LAMP3: variants seen among roughly 807,000 people sequenced by gnomAD.
The protein encoded by LAMP3 is lysosome-associated membrane glycoprotein 3.
Under a neutral mutation model 34.8 loss-of-function variants are expected in LAMP3, and 26 were observed. The ratio of observed to expected loss-of-function variants is 0.75; its 90% CI spans 0.55 to 1.04. LAMP3 has a LOEUF of 1.04. LAMP3 is among the 50% of genes least tolerant of loss of function. LAMP3 has a pLI of 0.00. For synonymous variants in LAMP3, 180 were observed against 201.9 expected, an observed-to-expected ratio of 0.89 and a Z score of 0.92; for missense variants, 495 against 524.0, an observed-to-expected ratio of 0.94 and a Z score of 0.54.
At chr3:183,136,346 G>A (rs1039406640) in intron 4 of LAMP3, among the ~76,000 whole-genome samples, 23 of 152,154 alleles carry the variant, frequency 1.5e-4, no homozygotes, top group African/African-American at 5.1e-4. Flanking sequence ...TGTATTAGAT[G>A]AGCAGGGTCA....
chr3:183,162,582 G>A, intron 1 of LAMP3, 25 bp downstream of exon 1: 1 of 1,546,960 alleles, frequency 6.5e-7, no homozygotes, highest in Non-Finnish European at 8.7e-7. Flanking sequence ...CAGGGCCACC[G>A]CGGGAAGCGC....
At chr3:183,162,735 G>C, upstream of LAMP3, 2 of 1,330,182 alleles carry the variant, frequency 1.5e-6, no homozygotes, top group Non-Finnish European at 2.0e-6. Context: ...ACCTACCTGT[G>C]CCGGAGAAAC....
chr3:183,133,942 C>T (rs1180688500), intron 5 of LAMP3, among the ~76,000 whole-genome samples: 2 of 152,136 alleles, frequency 1.3e-5, no homozygotes, highest in Non-Finnish European at 2.9e-5. Context: ...TTCTTTAGTC[C>T]ACCCTCTCAT....
chr3:183,126,564 G>A (rs1026749392), intron 5 of LAMP3, among the ~76,000 whole-genome samples: 10 of 143,748 alleles, frequency 7.0e-5, no homozygotes, highest in East Asian at 6.1e-4. Context: ...GTGTGTGTGT[G>A]CACACGTGTG....
chr3:183,153,143 C>T (rs1461257171), intron 2 of LAMP3, among the ~76,000 whole-genome samples: 1 of 146,998 alleles, frequency 6.8e-6, no homozygotes, highest in Non-Finnish European at 1.5e-5. Context: ...CCACTACACT[C>T]CAGCCTGAGC....
intron 1 of LAMP3, among the ~76,000 whole-genome samples, chr3:183,160,686 T>G (rs779497430): frequency 6.6e-6 from 1 of 152,136 alleles, no homozygotes. Context: ...CTAAATAAGT[T>G]ATAGGTAAGT....
At chr3:183,135,911 A>C (rs755476662) in intron 4 of LAMP3, 24 bp from the exon 5 acceptor site, 1 of 1,589,754 alleles carries the variant, frequency 6.3e-7, no homozygotes, top group Non-Finnish European at 8.6e-7. Context: ...AGATAGATGC[A>C]TAAGAGTCCT....
chr3:183,131,516 C>A (rs1719919676), intron 5 of LAMP3, among the ~76,000 whole-genome samples: 1 of 152,180 alleles, frequency 6.6e-6, no homozygotes, highest in Non-Finnish European at 1.5e-5. Context: ...ATCAGATTGT[C>A]ATCAACATCT....
chr3:183,132,302 T>C, intron 5 of LAMP3: 6 of 918,152 alleles, frequency 6.5e-6, no homozygotes, highest in Non-Finnish European at 7.8e-6. Context: ...AATAATAGCA[T>C]ATTAAGATCA....
chr3:183,124,498 G>T (rs528939918), intron 5 of LAMP3, among the ~76,000 whole-genome samples: 1 of 152,156 alleles, frequency 6.6e-6, no homozygotes, highest in East Asian at 1.9e-4. Flanking sequence ...TGAGTAAGAA[G>T]TCACTCCAGG....
intron 1 of LAMP3, among the ~76,000 whole-genome samples, chr3:183,155,037 C>T (rs1409203792): frequency 1.3e-5 from 2 of 152,160 alleles, no homozygotes; most frequent in African/African-American, 2.4e-5. Flanking sequence ...GCCTCAGCCT[C>T]GTGAGTAGCT....
rs1035456700 is a variant in LAMP3, at chr3:183,122,870, T to C, written c.*1211A>G. Reference sequence around the variant, plus strand: ...GCAGAGTGTGGTGTCATTGTTCTTGTAGGTAACTTGGTGTAGGGAGAAGAC... The same window carrying C: ...GCAGAGTGTGGTGTCATTGTTCTTGCAGGTAACTTGGTGTAGGGAGAAGAC... On this transcript the variant is annotated 3_prime_UTR_variant, in exon 6 of 6. Transcript: ENST00000265598. 3.3e-5 allele frequency: 5 copies of C among 152,238 alleles called. No homozygotes were observed. The highest frequency in any genetic ancestry group is 1.2e-4 in the African/African-American group (5 of 41,454). 9.4% of individuals were successfully genotyped at this position (152,238 alleles called of 1,614,324 possible).
intron 3 of LAMP3, among the ~76,000 whole-genome samples, chr3:183,148,054 G>T (rs1459741673): frequency 6.6e-6 from 1 of 152,130 alleles, no homozygotes; most frequent in Non-Finnish European, 1.5e-5. Context: ...AAGGTGCCAA[G>T]AACATACATT....
rs148458065 is a variant in LAMP3, at chr3:183,140,540, G to A, written c.944C>T (p.Pro315Leu). The A allele has an allele frequency of 5.5e-5, 88 of 1,586,900 alleles. No homozygotes were observed. In the Middle Eastern group the frequency reaches 1.3e-3, roughly 24 times the overall value. The change falls in exon 4 of 6, where the codon CCA becomes CTA. Residue 315 changes from proline to leucine, a missense_variant and splice_region_variant. Coordinates refer to ENST00000265598, the MANE Select transcript of LAMP3 (RefSeq NM_014398.4). ...EVGAYLTVSD[P>L]ETIYQGIKHA... ...ATGGGCATTCTGTAATTACTAACCT[G>A]GATCTGAGACGGTCAAATAGGCTCC... is the stretch of plus-strand genomic sequence containing the variant.
intron 5 of LAMP3, among the ~76,000 whole-genome samples, chr3:183,129,795 C>T (rs1719863725): frequency 6.6e-6 from 1 of 152,076 alleles, no homozygotes; most frequent in Non-Finnish European, 1.5e-5. Flanking sequence ...CCTCCCTGCC[C>T]CCAAATTTAC....
intron 5 of LAMP3, among the ~76,000 whole-genome samples, chr3:183,125,029 C>A (rs1379525816): frequency 6.6e-6 from 1 of 152,134 alleles, no homozygotes; most frequent in Non-Finnish European, 1.5e-5. Context: ...AGTTTACAAA[C>A]TTATCAAGAC....
intron 5 of LAMP3, among the ~76,000 whole-genome samples, chr3:183,133,381 G>A (rs9836180): frequency 0.017 from 2,643 of 152,260 alleles, 74 homozygotes; most frequent in African/African-American, 0.061. Flanking sequence ...TTGAGACAGA[G>A]TCTCACTGTG....
At chr3:183,162,903 G>T (rs1464765404), upstream of LAMP3, 4 of 491,652 alleles carry the variant, frequency 8.1e-6, no homozygotes, top group African/African-American at 6.2e-5. Context: ...TTTACCGCAC[G>T]CGCGTGGTCC....
chr3:183,131,327 T>C (rs7630494), intron 5 of LAMP3, among the ~76,000 whole-genome samples: 146,170 of 152,294 alleles, frequency 0.96, 70,190 homozygotes, highest in East Asian at 1. Context: ...AGTGAGTGGC[T>C]GGTGAATAAA....
Sources: allele counts gnomAD v4.1 joint callset (sites outside exome capture counted in the v4.1 genomes callset), GRCh38; gene constraint gnomAD v4.1.1; transcripts MANE v1.5; gene names NCBI Gene and HGNC (gene_info 2026-07-23, HGNC 2026-07-21).